The following CWH43 variants were observed in gnomAD, a reference collection of about 807,000 sequenced individuals.
The protein encoded by CWH43 is cell wall biogenesis 43 C-terminal homolog.
A neutral mutation model predicts 85.7 loss-of-function variants in CWH43; 91 were observed. The ratio of observed to expected loss-of-function variants is 1.06; its 90% CI spans 0.90 to 1.26. CWH43 has a LOEUF of 1.26. Ranked by LOEUF, CWH43 falls within the 50% of genes most tolerant of loss-of-function variation. CWH43 has a pLI of 0.00. For synonymous variants in CWH43, 323 were observed against 293.6 expected, an observed-to-expected ratio of 1.10 and a Z score of -1.02; for missense variants, 869 against 839.2, an observed-to-expected ratio of 1.04 and a Z score of -0.44.
At position 49,044,966 on chromosome 4, in the gene CWH43, C is replaced by G. The variant is rs1454829560; in HGVS notation, c.1865+119C>G. 1.1e-5 allele frequency: 8 copies of G among 719,188 alleles called. No homozygotes were observed. In the Admixed American group the frequency reaches 2.0e-4, roughly 18 times the overall value. The allele number at this position is 719,188 out of a possible 1,614,324, so 44.6% of individuals were successfully genotyped here. A position where few individuals can be genotyped will look rare whatever the true frequency, so the allele number is the denominator to read the frequency against. On this transcript the variant is annotated intron_variant, in intron 14 of 15. Transcript: ENST00000226432. ...AATTTTTGTTGCTTTTTATAAAAAG[C>G]AATCAATGTTTATAAACATTGATTT...
intron 1 of CWH43, among the ~76,000 whole-genome samples, chr4:48,988,091 GCAGGAAGC>G (rs1191562306): frequency 6.6e-6 from 1 of 152,210 alleles, no homozygotes; most frequent in African/African-American, 2.4e-5. Flanking sequence ...ACTCACGGCA[GCAGGAAGC>G]CATCCTCTAC....
intron 7 of CWH43, among the ~76,000 whole-genome samples, chr4:49,006,969 T>C (rs1783178250): frequency 6.6e-6 from 1 of 152,156 alleles, no homozygotes. Flanking sequence ...GAAATATGTA[T>C]CGGGAAAAGG....
chr4:49,016,320 T>C (rs1270667941), intron 8 of CWH43, among the ~76,000 whole-genome samples: 2 of 152,156 alleles, frequency 1.3e-5, no homozygotes, highest in Non-Finnish European at 2.9e-5. Flanking sequence ...GTGGTTCGCA[T>C]ACAGAGCACA....
chr4:49,023,964 G>A (rs989979332), intron 9 of CWH43, among the ~76,000 whole-genome samples: 6 of 152,134 alleles, frequency 3.9e-5, no homozygotes, highest in Non-Finnish European at 8.8e-5. Flanking sequence ...CACTGTTACT[G>A]TGCTGCTATC....
At chr4:49,038,256 A>T in intron 13 of CWH43, 76 bp downstream of exon 13, 1 of 1,327,184 alleles carries the variant, frequency 7.5e-7, no homozygotes, top group Admixed American at 2.4e-5. Flanking sequence ...AAAAAAACCA[A>T]CCTCACCTAA....
Position 49,017,275 on chromosome 4 carries a change from T to C in CWH43, c.1213T>C (p.Leu405=), listed in dbSNP as rs1488046121. The C allele has an allele frequency of 6.2e-7, 1 of 1,612,136 alleles. No homozygotes were observed. Residue 405 remains leucine, a synonymous_variant, in exon 9 of 16, where the codon TTG becomes CTG. Coordinates refer to ENST00000226432, the MANE Select transcript of CWH43 (RefSeq NM_025087.3). ...TCTGTGGCTGCTTGTTGGTGTGGGA[T>C]TGTTGGGATTAGGACTACGGCATAA... The part of the protein sequence containing the change: ...LFLWLLVGVG[L]LGLGLRHKAY...
intron 15 of CWH43, among the ~76,000 whole-genome samples, chr4:49,060,787 C>G (rs932460060): frequency 4.6e-5 from 7 of 152,152 alleles, no homozygotes; most frequent in African/African-American, 1.4e-4. Context: ...TCTACAGGGA[C>G]AAGCACTGGA....
intron 11 of CWH43, 132 bp from the exon 12 acceptor site, chr4:49,032,434 G>A (rs1446614909): frequency 5.3e-6 from 5 of 934,618 alleles, no homozygotes; most frequent in Non-Finnish European, 5.0e-6. Context: ...AGTCTCTGCC[G>A]CATTGCTTTG....
chr4:49,026,335 C>A (rs983783413), intron 9 of CWH43, among the ~76,000 whole-genome samples: 27 of 152,332 alleles, frequency 1.8e-4, no homozygotes, highest in African/African-American at 6.5e-4. Flanking sequence ...ATGGACCCTG[C>A]AGCAACAATA....
chr4:49,045,998 C>T (rs1266833914), intron 14 of CWH43, among the ~76,000 whole-genome samples: 1 of 152,104 alleles, frequency 6.6e-6, no homozygotes, highest in Non-Finnish European at 1.5e-5. Flanking sequence ...AACATCTCCC[C>T]ATCTCTCCCT....
chr4:48,993,102 G>T (rs1389558952), intron 4 of CWH43, among the ~76,000 whole-genome samples: 1 of 152,042 alleles, frequency 6.6e-6, no homozygotes, highest in Non-Finnish European at 1.5e-5. Context: ...AAATGTATGT[G>T]ACCCAGTTCC....
intron 13 of CWH43, among the ~76,000 whole-genome samples, chr4:49,042,333 A>G (rs2055627664): frequency 6.6e-6 from 1 of 152,226 alleles, no homozygotes; most frequent in South Asian, 2.1e-4. Flanking sequence ...TGCCTTGTAT[A>G]ACTTAGCCTT....
At position 49,017,270 on chromosome 4, in the gene CWH43, TG is replaced by T. The variant is rs746043096; in HGVS notation, c.1211del (p.Gly404AspfsTer5). 6 of 1,611,814 alleles carry T rather than the reference TG, an allele frequency of 3.7e-6. No individual in the cohort carries two copies. Among genetic ancestry groups the T allele is most frequent in the Non-Finnish European group, 5.1e-6 (6 of 1,178,740 alleles). On this transcript the variant is annotated frameshift_variant, in exon 9 of 16. Transcript: ENST00000226432. LOFTEE classifies it high-confidence loss of function. ...MKLFLWLLVGVGLLGLGLRHK... is the reference protein window; with the variant it reads ...MKLFLWLLVGXGLLGLGLRHK... ...TTAGTTCTGTGGCTGCTTGTTGGTGTGGGATTGTTGGGATTAGGACTACGGC... is the reference window on the plus strand; with the variant it reads ...TTAGTTCTGTGGCTGCTTGTTGGTGTGGATTGTTGGGATTAGGACTACGGC...
intron 14 of CWH43, among the ~76,000 whole-genome samples, chr4:49,047,525 A>T (rs1378825801): frequency 1.3e-5 from 2 of 152,166 alleles, no homozygotes; most frequent in Non-Finnish European, 2.9e-5. Flanking sequence ...TACTAAGAAG[A>T]TGACATTTCA....
intron 5 of CWH43, among the ~76,000 whole-genome samples, chr4:48,996,007 G>T (rs968394394): frequency 6.7e-6 from 1 of 149,952 alleles, no homozygotes; most frequent in Admixed American, 6.7e-5. Context: ...CCCATATGAG[G>T]CAGGATCTGG....
At chr4:49,038,232 T>A (rs576573184) in intron 13 of CWH43, 52 bp downstream of exon 13, 2 of 1,440,022 alleles carry the variant, frequency 1.4e-6, no homozygotes, top group Non-Finnish European at 1.9e-6. Context: ...CATTTCTTTT[T>A]CTTTCATGTT....
intron 12 of CWH43, among the ~76,000 whole-genome samples, chr4:49,035,875 G>T (rs1784247520): frequency 6.6e-6 from 1 of 152,058 alleles, no homozygotes; most frequent in Non-Finnish European, 1.5e-5. Context: ...AGTAGCTTTG[G>T]AATTTTCTGG....
At chr4:49,035,785 T>G (rs1400995554) in intron 12 of CWH43, among the ~76,000 whole-genome samples, 5 of 152,198 alleles carry the variant, frequency 3.3e-5, no homozygotes, top group Non-Finnish European at 7.3e-5. Context: ...ATTCACAGAT[T>G]ACTTCCAGTT....
At chr4:49,041,485 T>G (rs1784461080) in intron 13 of CWH43, among the ~76,000 whole-genome samples, 1 of 152,204 alleles carries the variant, frequency 6.6e-6, no homozygotes. Flanking sequence ...GATTCCTAAG[T>G]ATTTTATTCT....
Sources: allele counts gnomAD v4.1 joint callset (sites outside exome capture counted in the v4.1 genomes callset), GRCh38; gene constraint gnomAD v4.1.1; transcripts MANE v1.5; gene names NCBI Gene and HGNC (gene_info 2026-07-23, HGNC 2026-07-21).